BNC2: variants seen among roughly 807,000 people sequenced by gnomAD.
BNC2 encodes basonuclin zinc finger protein 2.
A neutral mutation model predicts 76.3 loss-of-function variants in BNC2; 20 were observed. That is an observed-to-expected ratio of 0.26 (90% CI 0.18 to 0.38). BNC2 has a LOEUF of 0.38. Among genes scored for constraint, BNC2 ranks in the 10% least tolerant of loss-of-function variants. The probability of loss-of-function intolerance (pLI) is 1.00; values close to 1 mark genes in which losing one functional copy is unlikely to be tolerated. For synonymous variants in BNC2, 582 were observed against 514.8 expected, an observed-to-expected ratio of 1.13 and a Z score of -1.77; for missense variants, 1,382 against 1,399.8, an observed-to-expected ratio of 0.99 and a Z score of 0.20.
chr9:16,735,408 A>ACC lies in BNC2; in HGVS notation c.129+2951_129+2952insGG, dbSNP rs1479308743. ...ACTTAAATGAATTTAAAAAAAAAAA[A>ACC]AAAAAAAAACAGGCTGGGGGCGCAC... On this transcript the variant is annotated intron_variant, in intron 2 of 6. Transcript: ENST00000380672. Among the ~76,000 whole-genome samples, 12 of 147,188 alleles carry ACC rather than the reference A, an allele frequency of 8.2e-5. No individual in the cohort carries two copies. The East Asian group carries it at 2.2e-3, about 27-fold the overall frequency.
At chr9:16,802,739 G>A (rs965542738) in intron 1 of BNC2, among the ~76,000 whole-genome samples, 1 of 152,136 alleles carries the variant, frequency 6.6e-6, no homozygotes, top group Non-Finnish European at 1.5e-5. Flanking sequence ...ATCATGGTGG[G>A]TTCTATGTGC....
At chr9:16,548,663 C>T (rs1489239616) in intron 5 of BNC2, among the ~76,000 whole-genome samples, 1 of 152,086 alleles carries the variant, frequency 6.6e-6, no homozygotes, top group Non-Finnish European at 1.5e-5. Context: ...CCTTGGCCTC[C>T]GAAAGTGCTG....
chr9:16,714,331 T>C (rs1823937996), intron 3 of BNC2, among the ~76,000 whole-genome samples: 1 of 152,236 alleles, frequency 6.6e-6, no homozygotes, highest in Non-Finnish European at 1.5e-5. Flanking sequence ...TCCTCCATTA[T>C]TCGCTACCTC....
chr9:16,711,106 TC>T (rs555410363), intron 3 of BNC2, among the ~76,000 whole-genome samples: 1 of 151,470 alleles, frequency 6.6e-6, no homozygotes, highest in Non-Finnish European at 1.5e-5. Context: ...CCTCCTCCCC[TC>T]CCCCCAGTCT....
At chr9:16,582,578 A>G (rs756443263) in intron 4 of BNC2, among the ~76,000 whole-genome samples, 7 of 152,200 alleles carry the variant, frequency 4.6e-5, no homozygotes, top group Non-Finnish European at 8.8e-5. Flanking sequence ...AGCACATACG[A>G]CAAGGGTGAG....
chr9:16,640,701 C>A (rs1227902257), intron 3 of BNC2, among the ~76,000 whole-genome samples: 3 of 152,006 alleles, frequency 2.0e-5, no homozygotes, highest in Non-Finnish European at 4.4e-5. Context: ...GTTTGATAAC[C>A]CTATACACCC....
intron 3 of BNC2, among the ~76,000 whole-genome samples, chr9:16,616,064 C>T (rs1404128074): frequency 6.6e-6 from 1 of 152,090 alleles, no homozygotes; most frequent in Non-Finnish European, 1.5e-5. Context: ...GCAACTGTGT[C>T]CAGTTGATAA....
intron 5 of BNC2, among the ~76,000 whole-genome samples, chr9:16,518,043 A>G (rs1817491871): frequency 6.6e-6 from 1 of 152,228 alleles, no homozygotes; most frequent in South Asian, 2.1e-4. Context: ...GAAATCTGGA[A>G]AGAAGGGACA....
intron 4 of BNC2, among the ~76,000 whole-genome samples, chr9:16,555,982 A>G (rs28714603): frequency 0.2 from 29,741 of 151,946 alleles, 5,234 homozygotes; most frequent in African/African-American, 0.47. Context: ...GACTTAAACT[A>G]TTAGGTGTGT....
intron 5 of BNC2, among the ~76,000 whole-genome samples, chr9:16,505,268 A>G (rs753965959): frequency 1.4e-4 from 22 of 152,352 alleles, no homozygotes; most frequent in Admixed American, 3.9e-4. Flanking sequence ...GCAATTTTCC[A>G]GTAACAGTCA....
chr9:16,430,214 C>T (rs1333396208), intron 6 of BNC2, among the ~76,000 whole-genome samples: 1 of 152,016 alleles, frequency 6.6e-6, no homozygotes, highest in African/African-American at 2.4e-5. Flanking sequence ...AAAACTCTTC[C>T]TTAACATTTA....
intron 3 of BNC2, among the ~76,000 whole-genome samples, chr9:16,652,034 G>C (rs1285136092): frequency 6.6e-6 from 1 of 152,082 alleles, no homozygotes; most frequent in African/African-American, 2.4e-5. Context: ...CATTTTATAA[G>C]TGGAATATCC....
intron 2 of BNC2, among the ~76,000 whole-genome samples, chr9:16,732,162 A>AAAAAAAAAAAAAGG (rs59888253): frequency 8.1e-6 from 1 of 123,588 alleles, no homozygotes; most frequent in East Asian, 2.1e-4. Context: ...TCCTGCAAAA[A>AAAAAAAAAAAAAGG]AAAAAGAAAA....
At chr9:16,498,144 C>T (rs1563811146) in intron 5 of BNC2, among the ~76,000 whole-genome samples, 2 of 126,486 alleles carry the variant, frequency 1.6e-5, no homozygotes, top group African/African-American at 7.1e-5. Context: ...TATATTCTAT[C>T]ATATATATTC....
intron 5 of BNC2, among the ~76,000 whole-genome samples, chr9:16,500,674 A>G (rs1822499198): frequency 6.6e-6 from 1 of 152,150 alleles, no homozygotes; most frequent in Non-Finnish European, 1.5e-5. Context: ...GGGTGGATGG[A>G]GCAGGAGGCA....
intron 1 of BNC2, among the ~76,000 whole-genome samples, chr9:16,799,170 A>C (rs1817725766): frequency 6.6e-6 from 1 of 152,184 alleles, no homozygotes; most frequent in Non-Finnish European, 1.5e-5. Flanking sequence ...AGAAAATATA[A>C]AAAATGTAAC....
Position 16,419,260 on chromosome 9 carries a change from G to A in BNC2, c.3029C>T (p.Ala1010Val). 6.2e-7 allele frequency: 1 copy of A among 1,614,214 alleles called. No homozygotes were observed. Among genetic ancestry groups the A allele is most frequent in the Non-Finnish European group, 8.5e-7 (1 of 1,180,034 alleles). ...TTCAGCCCCTAGGCTGCCAGGGAGG[G>A]CAGGGGCCTCGGCCTTGTGTGCCGA... ...GESAHKAEAP[A>V]LPGSLGAEVS... The change falls in exon 7 of 7, where the codon GCC becomes GTC. Residue 1010 changes from alanine to valine, a missense_variant. Physicochemically the swap from Ala to Val is moderately conservative, Grantham distance 64 (BLOSUM62 0). Coordinates refer to ENST00000380672, the MANE Select transcript of BNC2 (RefSeq NM_017637.6).
chr9:16,679,856 A>C (rs1039045359), intron 3 of BNC2, among the ~76,000 whole-genome samples: 1 of 152,218 alleles, frequency 6.6e-6, no homozygotes, highest in African/African-American at 2.4e-5. Flanking sequence ...TGTTTTATAA[A>C]AGGGCTCTTT....
chr9:16,762,780 G>C (rs1305481395), intron 1 of BNC2, among the ~76,000 whole-genome samples: 1 of 152,140 alleles, frequency 6.6e-6, no homozygotes, highest in East Asian at 1.9e-4. Context: ...TGACTGTTTA[G>C]CATTAAAAAG....
Sources: gnomAD v4.1 joint callset for allele counts (sites outside exome capture counted in the v4.1 genomes callset) on GRCh38, gnomAD v4.1.1 for gene constraint, MANE v1.5 for transcripts, NCBI Gene and HGNC (gene_info 2026-07-23, HGNC 2026-07-21) for gene names.